CCNB2: variants seen among roughly 807,000 people sequenced by gnomAD.
CCNB2 encodes the protein G2/mitotic-specific cyclin-B2.
CCNB2 carries 39 observed loss-of-function variants against 51.1 expected under a neutral mutation model. The ratio of observed to expected loss-of-function variants is 0.76; its 90% CI spans 0.59 to 1.00. The LOEUF is 1.00. CCNB2 is among the 50% of genes least tolerant of loss of function. The probability of loss-of-function intolerance (pLI) is 0.00; values close to 1 mark genes in which losing one functional copy is unlikely to be tolerated. For missense variants in CCNB2, 472 were observed against 470.3 expected, an observed-to-expected ratio of 1.00 and a Z score of -0.03; for synonymous variants, 174 against 165.5, an observed-to-expected ratio of 1.05 and a Z score of -0.40.
chr15:59,124,649 G>A, intron 8 of CCNB2, 118 bp from the exon 9 acceptor site: 1 of 740,336 alleles, frequency 1.4e-6, no homozygotes, highest in South Asian at 1.5e-5. Flanking sequence ...TCAGCGATTG[G>A]GCATCATCAA....
intron 1 of CCNB2, among the ~76,000 whole-genome samples, chr15:59,105,815 C>A (rs1366953124): frequency 6.6e-6 from 1 of 152,164 alleles, no homozygotes; most frequent in African/African-American, 2.4e-5. Flanking sequence ...GTATGAGTTT[C>A]CCATTTATTT....
Position 59,117,380 on chromosome 15 carries a change from A to G in CCNB2, c.975+12A>G, listed in dbSNP as rs537843302. On this transcript the variant is annotated intron_variant, in intron 7 of 8. Transcript: ENST00000288207. The stretch of plus-strand genomic sequence containing the variant: ...GACAAGGAAAATGGGTGAGTGGTGG[A>G]TTTAAGAAGAAACTAATTAGGCTAT... The G allele has an allele frequency of 4.5e-5, 72 of 1,610,216 alleles. No homozygotes were observed. The highest frequency in any genetic ancestry group is 5.9e-5 in the Non-Finnish European group (69 of 1,177,330).
At chr15:59,122,619 C>G (rs558043041) in intron 7 of CCNB2, among the ~76,000 whole-genome samples, 56 of 150,420 alleles carry the variant, frequency 3.7e-4, no homozygotes, top group African/African-American at 1.2e-3. Flanking sequence ...CGCTCATTAC[C>G]TCAAACTTCT....
At chr15:59,119,648 CAA>C (rs1246385151) in intron 7 of CCNB2, among the ~76,000 whole-genome samples, 3 of 152,030 alleles carry the variant, frequency 2.0e-5, no homozygotes, top group African/African-American at 4.8e-5. Context: ...TAGGATAAAA[CAA>C]ATTTATTCAT....
intron 6 of CCNB2, 135 bp downstream of exon 6, chr15:59,117,061 A>T: frequency 2.1e-6 from 2 of 964,242 alleles, no homozygotes; most frequent in Admixed American, 2.2e-5. Context: ...ATCAGTTCTT[A>T]AGAGAAAAGG....
Position 59,109,150 on chromosome 15 carries a change from A to C in CCNB2, c.267+1480A>C, listed in dbSNP as rs147433919. Among the ~76,000 whole-genome samples the C allele has an allele frequency of 8.7e-3, 1,319 of 152,242 alleles. 31 individuals carry two copies. Among genetic ancestry groups the C allele is most frequent in the African/African-American group, 0.029 (1,224 of 41,536 alleles). On this transcript the variant is annotated intron_variant, in intron 3 of 8. Transcript: ENST00000288207. ...ACTGCAACCTCCGCCTCCCGGGTTC[A>C]AGCGATTCTCCTGTCTCAGCCTCCC...
intron 1 of CCNB2, among the ~76,000 whole-genome samples, chr15:59,106,377 C>T (rs758233372): frequency 1.1e-4 from 16 of 152,054 alleles, no homozygotes; most frequent in Non-Finnish European, 2.4e-4. Context: ...TAGTCAAAAC[C>T]TTTCTGTTCA....
Position 59,107,304 on chromosome 15 carries a change from T to C in CCNB2, c.25-18T>C. 2 of 787,906 alleles carry C rather than the reference T, an allele frequency of 2.5e-6. No homozygotes were observed. The highest frequency in any genetic ancestry group is 1.6e-6 in the Non-Finnish European group (1 of 625,110). 48.8% of individuals were successfully genotyped at this position (787,906 alleles called of 1,614,324 possible). On this transcript the variant is annotated intron_variant, in intron 1 of 8. Coordinates refer to ENST00000288207, the MANE Select transcript of CCNB2 (RefSeq NM_004701.4). ...CAAATTCTTTCAAGGTTTCATTACTTTTTTTTTTTTTTTTCAGGTGTCCAG... is the reference window on the plus strand; with the variant it reads ...CAAATTCTTTCAAGGTTTCATTACTCTTTTTTTTTTTTTTCAGGTGTCCAG...
At chr15:59,118,932 G>A (rs868051950) in intron 7 of CCNB2, among the ~76,000 whole-genome samples, 1 of 152,180 alleles carries the variant, frequency 6.6e-6, no homozygotes. Flanking sequence ...AATGTATATT[G>A]TAGTTTACAT....
In CCNB2 at chr15:59,116,929, A is replaced by G. The variant is rs1225275145; in HGVS notation, c.834+3A>G. 1.9e-6 allele frequency: 3 copies of G among 1,607,630 alleles called. No homozygotes were observed. The highest frequency in any genetic ancestry group is 2.6e-6 in the Non-Finnish European group (3 of 1,174,358). The stretch of plus-strand genomic sequence containing the variant: ...GGCGAGCATCAAAAGCCGGGGAGGT[A>G]AGTGCCTCCAGCTCTGTAAGAGACT... On this transcript the variant is annotated splice_donor_region_variant and intron_variant, in intron 6 of 8. Transcript: ENST00000288207.
intron 7 of CCNB2, among the ~76,000 whole-genome samples, chr15:59,121,720 C>T (rs1488012129): frequency 6.6e-6 from 1 of 151,932 alleles, no homozygotes; most frequent in East Asian, 1.9e-4. Flanking sequence ...TCACTTGAGG[C>T]CAGGAGTTTG....
chr15:59,110,046 C>T (rs1162156252), intron 3 of CCNB2, among the ~76,000 whole-genome samples: 2 of 151,816 alleles, frequency 1.3e-5, no homozygotes, highest in East Asian at 3.8e-4. Context: ...ACCATGGGTA[C>T]ATATTACTGT....
intron 3 of CCNB2, among the ~76,000 whole-genome samples, chr15:59,113,452 C>T (rs551008872): frequency 1.4e-4 from 22 of 152,168 alleles, no homozygotes; most frequent in African/African-American, 4.1e-4. Context: ...ATTAAATAAA[C>T]GTAAGCTTTT....
At chr15:59,113,824 T>C (rs1295897130) in intron 3 of CCNB2, among the ~76,000 whole-genome samples, 2 of 152,052 alleles carry the variant, frequency 1.3e-5, no homozygotes, top group East Asian at 1.9e-4. Flanking sequence ...CTCAGCCTCC[T>C]GAGTAGCTGG....
intron 3 of CCNB2, 97 bp from the exon 4 acceptor site, chr15:59,114,347 T>G: frequency 1.2e-6 from 1 of 858,504 alleles, no homozygotes; most frequent in Non-Finnish European, 1.8e-6. Context: ...TTTAACATAT[T>G]TCAGATGTGC....
At chr15:59,106,784 C>T (rs1478727389) in intron 1 of CCNB2, among the ~76,000 whole-genome samples, 1 of 152,130 alleles carries the variant, frequency 6.6e-6, no homozygotes, top group African/African-American at 2.4e-5. Flanking sequence ...TCTAAAAGAT[C>T]ATGCATACAG....
intron 7 of CCNB2, among the ~76,000 whole-genome samples, chr15:59,122,857 G>A (rs754412926): frequency 2.6e-5 from 4 of 152,144 alleles, no homozygotes; most frequent in Admixed American, 6.5e-5. Context: ...CTTCTTACAT[G>A]ATACATCTTA....
At chr15:59,113,547 GA>G (rs1219434752) in intron 3 of CCNB2, among the ~76,000 whole-genome samples, 1 of 152,022 alleles carries the variant, frequency 6.6e-6, no homozygotes, top group African/African-American at 2.4e-5. Flanking sequence ...GGTATTATGA[GA>G]AAAAACAGAA....
intron 3 of CCNB2, among the ~76,000 whole-genome samples, chr15:59,112,951 G>A (rs905588508): frequency 1.8e-4 from 28 of 151,744 alleles, no homozygotes; most frequent in African/African-American, 4.8e-4. Context: ...GGAGAATGGC[G>A]TGAACCCGGG....
Sources: gnomAD v4.1 joint callset for allele counts (sites outside exome capture counted in the v4.1 genomes callset) on GRCh38, gnomAD v4.1.1 for gene constraint, MANE v1.5 for transcripts, NCBI Gene and HGNC (gene_info 2026-07-23, HGNC 2026-07-21) for gene names.